LYST: variants seen among roughly 807,000 people sequenced by gnomAD.
LYST encodes the protein lysosomal trafficking regulator.
In LYST, 192 loss-of-function variants were observed where a neutral mutation model predicts 413.6. That is an observed-to-expected ratio of 0.46 (90% CI 0.41 to 0.52). LYST has a LOEUF of 0.52. Among genes scored for constraint, LYST ranks in the 20% least tolerant of loss-of-function variants. The pLI is 0.00. For missense variants in LYST, 3,815 were observed against 4,499.9 expected, an observed-to-expected ratio of 0.85 and a Z score of 4.35; for synonymous variants, 1,525 against 1,567.3, an observed-to-expected ratio of 0.97 and a Z score of 0.64.
rs759419129 is a variant in LYST at position 235,687,019 on chromosome 1, C to G, written c.10730G>C (p.Ser3577Thr). ...TTTGCTTCCAGTAAACAGCTGGCAA[C>G]TGTCAGGCACCCAAGCACAACTAGT... ...QVTSCAWVPD[S>T]CQLFTGSKCG... Residue 3577 changes from serine (S) to threonine (T), a missense_variant, in exon 48 of 53, where the codon AGT becomes ACT. Coordinates refer to ENST00000389793, the MANE Select transcript of LYST (RefSeq NM_000081.4). 6.8e-6 allele frequency: 11 copies of G among 1,613,970 alleles called. No individual in the cohort carries two copies. In the South Asian group the frequency reaches 1.2e-4, roughly 18 times the overall value.
chr1:235,803,238 C>T (rs1004296412), intron 7 of LYST, among the ~76,000 whole-genome samples, 174 bp from the exon 8 acceptor site: 5 of 152,138 alleles, frequency 3.3e-5, no homozygotes, highest in Admixed American at 6.5e-5. Context: ...TTTCCCAGAT[C>T]CTTTCAGACA....
chr1:235,878,522 C>A (rs1185071271), intron 1 of LYST, among the ~76,000 whole-genome samples: 1 of 152,210 alleles, frequency 6.6e-6, no homozygotes, highest in Admixed American at 6.5e-5. Flanking sequence ...GTGGTTCCTA[C>A]TGCCCAAGTT....
At chr1:235,667,480 G>A (rs534142645) in intron 50 of LYST, among the ~76,000 whole-genome samples, 1 of 152,242 alleles carries the variant, frequency 6.6e-6, no homozygotes. Flanking sequence ...CAGGAGGAAT[G>A]AGCTTGACAA....
intron 1 of LYST, among the ~76,000 whole-genome samples, chr1:235,848,163 C>G (rs1050368751): frequency 1.3e-5 from 2 of 152,032 alleles, no homozygotes; most frequent in Admixed American, 1.3e-4. Flanking sequence ...TTTAAGAAAA[C>G]TGAAATTATA....
At chr1:235,828,752 G>A in intron 3 of LYST, 3 of 912,660 alleles carry the variant, frequency 3.3e-6, no homozygotes, top group Non-Finnish European at 3.9e-6. Flanking sequence ...AGAGCATGGT[G>A]TACATATTAA....
Position 235,742,369 on chromosome 1 carries a change from C to T in LYST, c.8152-741G>A, listed in dbSNP as rs180736462. Among the ~76,000 whole-genome samples, 61 of 151,496 alleles carry T rather than the reference C, an allele frequency of 4.0e-4. No homozygotes were observed. In the East Asian group the frequency reaches 0.011, roughly 28 times the overall value. The stretch of plus-strand genomic sequence containing the variant: ...ACTTGGGAAGGTGAGGTAGGAGAAT[C>T]GCTTGAACCTGGGAGGTGGAGGCTG... On this transcript the variant is annotated intron_variant, in intron 30 of 52. Coordinates refer to ENST00000389793, the MANE Select transcript of LYST (RefSeq NM_000081.4).
At chr1:235,680,240 T>C (rs866605940) in intron 48 of LYST, among the ~76,000 whole-genome samples, 1 of 152,158 alleles carries the variant, frequency 6.6e-6, no homozygotes, top group Non-Finnish European at 1.5e-5. Flanking sequence ...CCATCGGCCA[T>C]GATCATAGTT....
Position 235,741,530 on chromosome 1 carries a change from A to G in LYST, c.8250T>C (p.His2750=), listed in dbSNP as rs1285488392. The change falls in exon 31 of 53, where the codon CAT becomes CAC. Residue 2750 remains histidine (H), a synonymous_variant. Transcript: ENST00000389793. ...GTGCAGCGTGGGCTGGCGACAAAAT[A>G]TGCACTAGTAGTCTCCCAAGCTGCA... ...FRMQLGRLLV[H]ILSPAHAAQE... 1 of 1,614,078 alleles carries G rather than the reference A, an allele frequency of 6.2e-7. No individual in the cohort carries two copies. The highest frequency in any genetic ancestry group is 8.5e-7 in the Non-Finnish European group (1 of 1,179,928).
At chr1:235,868,877 T>C (rs1179341323), upstream of LYST, among the ~76,000 whole-genome samples, 28 of 152,032 alleles carry the variant, frequency 1.8e-4, no homozygotes, top group Admixed American at 1.8e-3. Flanking sequence ...GTATTTTTAG[T>C]AGAGACAGAG....
intron 1 of LYST, among the ~76,000 whole-genome samples, chr1:235,857,742 TACACACACACACACACACACACACACAC>T: frequency 7.7e-6 from 1 of 129,346 alleles, no homozygotes; most frequent in Non-Finnish European, 1.6e-5. Context: ...CATATGTAAA[TACACACACACACACACACACACACACAC>T]ACACACACAC....
At chr1:235,842,612 G>A (rs1253904869) in intron 1 of LYST, among the ~76,000 whole-genome samples, 1 of 152,148 alleles carries the variant, frequency 6.6e-6, no homozygotes. Flanking sequence ...TGAATGGCGT[G>A]GCCTCTCTCT....
intron 48 of LYST, among the ~76,000 whole-genome samples, chr1:235,679,504 C>T (rs979694937): frequency 1.3e-5 from 2 of 151,964 alleles, no homozygotes; most frequent in African/African-American, 4.8e-5. Context: ...TAACTTTTAA[C>T]TTTTTCATAA....
intron 3 of LYST, among the ~76,000 whole-genome samples, chr1:235,815,373 T>C (rs1400818260): frequency 6.6e-6 from 1 of 152,096 alleles, no homozygotes; most frequent in Non-Finnish European, 1.5e-5. Context: ...AGGAAAGAGA[T>C]TACAGAGTGA....
intron 40 of LYST, among the ~76,000 whole-genome samples, chr1:235,719,331 T>C (rs1156645406): frequency 6.6e-6 from 1 of 152,234 alleles, no homozygotes; most frequent in Non-Finnish European, 1.5e-5. Context: ...TTCTGAGTCC[T>C]TTTGACAAGA....
At chr1:235,849,215 A>G (rs1266813152) in intron 1 of LYST, among the ~76,000 whole-genome samples, 4 of 152,162 alleles carry the variant, frequency 2.6e-5, no homozygotes, top group Admixed American at 2.6e-4. Context: ...GGTTTAACAT[A>G]CGTAAGTCAA....
chr1:235,767,164 C>T (rs770662078), intron 20 of LYST, among the ~76,000 whole-genome samples: 1 of 152,080 alleles, frequency 6.6e-6, no homozygotes, highest in Non-Finnish European at 1.5e-5. Context: ...CCTCCAATTC[C>T]ATCTCCCCAG....
chr1:235,881,505 A>G (rs1681374072), intron 1 of LYST, among the ~76,000 whole-genome samples: 1 of 152,242 alleles, frequency 6.6e-6, no homozygotes, highest in Admixed American at 6.5e-5. Flanking sequence ...CAGGATCTCA[A>G]AGAGATATTG....
chr1:235,781,153 C>A, intron 15 of LYST, 98 bp from the exon 16 acceptor site: 2 of 786,952 alleles, frequency 2.5e-6, no homozygotes, highest in Non-Finnish European at 4.3e-6. Flanking sequence ...TAGCCAGATT[C>A]TTTCAGTTGT....
At chr1:235,743,392 G>A (rs765308485) in intron 30 of LYST, among the ~76,000 whole-genome samples, 1 of 152,112 alleles carries the variant, frequency 6.6e-6, no homozygotes, top group Non-Finnish European at 1.5e-5. Context: ...ATCTAGTTTA[G>A]ATTTAGAGAT....
Sources: gnomAD v4.1 joint callset for allele counts (sites outside exome capture counted in the v4.1 genomes callset) on GRCh38, gnomAD v4.1.1 for gene constraint, MANE v1.5 for transcripts, NCBI Gene and HGNC (gene_info 2026-07-23, HGNC 2026-07-21) for gene names.